The following SLC5A12 variants were observed in gnomAD, a reference collection of about 807,000 sequenced individuals.
SLC5A12 encodes the protein sodium-coupled monocarboxylate transporter 2.
In SLC5A12, 46 loss-of-function variants were observed where a neutral mutation model predicts 72.7. The ratio of observed to expected loss-of-function variants is 0.63; its 90% CI spans 0.50 to 0.81. The LOEUF (loss-of-function observed/expected upper bound fraction) is 0.81, where lower values mean the gene tolerates loss of function less well. SLC5A12 is among the 30% of genes least tolerant of loss of function. The pLI, the probability that SLC5A12 is intolerant of heterozygous loss-of-function variation, is 0.00. For missense variants in SLC5A12, 683 were observed against 740.7 expected, an observed-to-expected ratio of 0.92 and a Z score of 0.90; for synonymous variants, 275 against 264.4, an observed-to-expected ratio of 1.04 and a Z score of -0.39.
intron 4 of SLC5A12, among the ~76,000 whole-genome samples, chr11:26,706,399 G>A (rs1385793064): frequency 3.3e-5 from 5 of 152,058 alleles, no homozygotes; most frequent in Non-Finnish European, 7.4e-5. Flanking sequence ...TATGCAGGGT[G>A]TGGGAGCAAG....
chr11:26,671,047 TTG>T lies in SLC5A12; in HGVS notation c.*53_*54del, dbSNP rs71449136. The T allele has an allele frequency of 0.13, 161,363 of 1,254,524 alleles. 6,271 individuals carry two copies. The highest frequency in any genetic ancestry group is 0.24 in the Admixed American group (10,854 of 44,704). 77.7% of individuals were successfully genotyped at this position (1,254,524 alleles called of 1,614,324 possible). On this transcript the variant is annotated 3_prime_UTR_variant, in exon 15 of 15. Coordinates refer to ENST00000396005, the MANE Select transcript of SLC5A12 (RefSeq NM_178498.4). ...CAAGTAGGCAAGAAGTATGTGGAGT[TTG>T]TGTGTGTGTGTGTGTATTGCACGTG...
chr11:26,715,130 G>A (rs890011642), intron 1 of SLC5A12, among the ~76,000 whole-genome samples: 3 of 152,132 alleles, frequency 2.0e-5, no homozygotes, highest in Admixed American at 2.0e-4. Context: ...AGTGGATGTT[G>A]TATGGATCAG....
At chr11:26,703,441 C>CACAT in intron 6 of SLC5A12, 90 bp downstream of exon 6, 1 of 1,378,580 alleles carries the variant, frequency 7.3e-7, no homozygotes, top group Non-Finnish European at 9.9e-7. Flanking sequence ...CACACACACA[C>CACAT]ACACACCCCC....
rs768870734 is a variant in SLC5A12 at position 26,712,710 on chromosome 11, A to G, written c.340-4T>C. ...TGTTGAATCGTAGTTGTAAGTACTA[A>G]AGGAAACAGAAAGACATGCAGAGTC... On this transcript the variant is annotated splice_region_variant and splice_polypyrimidine_tract_variant and intron_variant, in intron 1 of 14. Transcript: ENST00000396005. The G allele has an allele frequency of 3.2e-6, 5 of 1,578,318 alleles. No individual in the cohort carries two copies. Among genetic ancestry groups the G allele is most frequent in the Non-Finnish European group, 3.5e-6 (4 of 1,153,864 alleles).
At chr11:26,694,180 T>C (rs1334146652) in intron 8 of SLC5A12, among the ~76,000 whole-genome samples, 2 of 152,084 alleles carry the variant, frequency 1.3e-5, no homozygotes, top group African/African-American at 4.8e-5. Context: ...GTGGAAATAT[T>C]TTTCCCCTAC....
intron 8 of SLC5A12, among the ~76,000 whole-genome samples, chr11:26,696,281 A>G (rs1370356342): frequency 6.6e-6 from 1 of 152,198 alleles, no homozygotes; most frequent in African/African-American, 2.4e-5. Context: ...CTGGTATAAT[A>G]TAAGCCTTCT....
In SLC5A12 at chr11:26,703,523, G is replaced by A; in HGVS notation, c.821+8C>T. On this transcript the variant is annotated splice_region_variant and intron_variant, in intron 6 of 14. Transcript: ENST00000396005. ...AAACATTAAAATTTTTCTTGACTGA[G>A]AACTTACAGCTTAGCATGCTTTTCT... The A allele has an allele frequency of 6.2e-7, 1 of 1,612,654 alleles. No individual in the cohort carries two copies. Among genetic ancestry groups the A allele is most frequent in the South Asian group, 1.1e-5 (1 of 91,050 alleles).
intron 13 of SLC5A12, among the ~76,000 whole-genome samples, chr11:26,677,282 G>A (rs955498417): frequency 7.9e-5 from 12 of 152,212 alleles, no homozygotes; most frequent in Admixed American, 2.6e-4. Context: ...ATTAATACTG[G>A]AAGAGTTATT....
chr11:26,713,029 GC>G (rs1458003714), intron 1 of SLC5A12, among the ~76,000 whole-genome samples: 1 of 151,968 alleles, frequency 6.6e-6, no homozygotes, highest in East Asian at 1.9e-4. Context: ...TTATATCTTT[GC>G]TGCTCCAAAT....
intron 1 of SLC5A12, among the ~76,000 whole-genome samples, chr11:26,714,202 A>G (rs1855296567): frequency 6.6e-6 from 1 of 151,958 alleles, no homozygotes; most frequent in South Asian, 2.1e-4. Context: ...TACCATATTT[A>G]CTATTCCTAA....
chr11:26,697,279 AT>A (rs533873424), intron 7 of SLC5A12, 27 bp from the exon 8 acceptor site: 21,810 of 1,569,796 alleles, frequency 0.014, 158 homozygotes, highest in Non-Finnish European at 0.017. Context: ...ACATAAAAAA[AT>A]AAATAAAAAG....
At position 26,667,596 on chromosome 11, in the gene SLC5A12, G is replaced by A. The variant is rs1854027570; in HGVS notation, c.*3506C>T. ...ACTGTGCAATGAGTAATAAACTTGG[G>A]TTGAGATGCTGTTTATTTATCAAGG... On this transcript the variant is annotated 3_prime_UTR_variant, in exon 15 of 15. Coordinates refer to ENST00000396005, the MANE Select transcript of SLC5A12 (RefSeq NM_178498.4). 1 of 151,882 alleles carries A rather than the reference G, an allele frequency of 6.6e-6. No individual in the cohort carries two copies. The allele number at this position is 151,882 out of a possible 1,614,324, so 9.4% of individuals were successfully genotyped here. A position where few individuals can be genotyped will look rare whatever the true frequency, so the allele number is the denominator to read the frequency against.
chr11:26,703,307 G>A (rs745312706), intron 6 of SLC5A12, among the ~76,000 whole-genome samples: 5 of 151,648 alleles, frequency 3.3e-5, no homozygotes, highest in Admixed American at 6.6e-5. Context: ...AAGACAAACC[G>A]ACTTCAGTTC....
At chr11:26,685,634 A>G (rs1854513970) in intron 10 of SLC5A12, among the ~76,000 whole-genome samples, 1 of 151,936 alleles carries the variant, frequency 6.6e-6, no homozygotes, top group South Asian at 2.1e-4. Context: ...AAAAAAACAA[A>G]AAAACCCACA....
At chr11:26,695,028 G>T (rs1316699612) in intron 8 of SLC5A12, among the ~76,000 whole-genome samples, 3 of 151,228 alleles carry the variant, frequency 2.0e-5, no homozygotes, top group Non-Finnish European at 4.4e-5. Flanking sequence ...TAAAAACAAA[G>T]AAAAAAAGTC....
chr11:26,695,899 C>G (rs937602759), intron 8 of SLC5A12, among the ~76,000 whole-genome samples: 2 of 152,178 alleles, frequency 1.3e-5, no homozygotes, highest in African/African-American at 4.8e-5. Flanking sequence ...GTTCCTCAAA[C>G]ACTCCATACA....
chr11:26,681,276 G>A, intron 11 of SLC5A12, 55 bp from the exon 12 acceptor site: 2 of 1,419,634 alleles, frequency 1.4e-6, no homozygotes, highest in Non-Finnish European at 9.4e-7. Context: ...TCTATGGAAA[G>A]AATAATGAGA....
chr11:26,703,513 T>C lies in SLC5A12; in HGVS notation c.821+18A>G. On this transcript the variant is annotated intron_variant, in intron 6 of 14. Transcript: ENST00000396005. ...AGGTAAGATAAAACATTAAAATTTT[T>C]CTTGACTGAGAACTTACAGCTTAGC... 1 of 1,611,492 alleles carries C rather than the reference T, an allele frequency of 6.2e-7. No individual in the cohort carries two copies. Among genetic ancestry groups the C allele is most frequent in the Non-Finnish European group, 8.5e-7 (1 of 1,179,610 alleles).
chr11:26,695,188 C>A (rs1219623273), intron 8 of SLC5A12, among the ~76,000 whole-genome samples: 2 of 151,884 alleles, frequency 1.3e-5, no homozygotes. Flanking sequence ...AAAGTACAGT[C>A]ATCAAAATTA....
Sources: allele counts gnomAD v4.1 joint callset (sites outside exome capture counted in the v4.1 genomes callset), GRCh38; gene constraint gnomAD v4.1.1; transcripts MANE v1.5; gene names NCBI Gene and HGNC (gene_info 2026-07-23, HGNC 2026-07-21).